PCDH15: variants seen among roughly 807,000 people sequenced by gnomAD.
PCDH15 encodes the protein protocadherin related 15.
In PCDH15, 129 loss-of-function variants were observed where a neutral mutation model predicts 178.5. That is an observed-to-expected ratio of 0.72 (90% CI 0.63 to 0.84). PCDH15 has a LOEUF of 0.84. Among genes scored for constraint, PCDH15 ranks in the 40% least tolerant of loss-of-function variants. The probability of loss-of-function intolerance (pLI) is 0.00; values close to 1 mark genes in which losing one functional copy is unlikely to be tolerated. For synonymous variants in PCDH15, 800 were observed against 732.0 expected, an observed-to-expected ratio of 1.09 and a Z score of -1.50; for missense variants, 2,230 against 2,099.9, an observed-to-expected ratio of 1.06 and a Z score of -1.21.
At chr10:54,105,732 T>C (rs1343362069) in intron 15 of PCDH15, among the ~76,000 whole-genome samples, 2 of 152,150 alleles carry the variant, frequency 1.3e-5, no homozygotes, top group African/African-American at 4.8e-5. Flanking sequence ...CCAATTAAGT[T>C]GACACTCAGT....
In PCDH15 at chr10:53,806,373, T is replaced by C; in HGVS notation, c.*206A>G. On this transcript the variant is annotated 3_prime_UTR_variant, in exon 38 of 38. Coordinates refer to ENST00000644397, the MANE Select transcript of PCDH15 (RefSeq NM_001384140.1). Reference sequence around the variant, plus strand: ...AACGATAGGTTATTTAGTGAAAGTATGTCCAAAAGGATTTTCTGGGAAAAA... The same window carrying C: ...AACGATAGGTTATTTAGTGAAAGTACGTCCAAAAGGATTTTCTGGGAAAAA... The C allele has an allele frequency of 1.9e-6, 1 of 513,226 alleles. No homozygotes were observed. The highest frequency in any genetic ancestry group is 3.4e-6 in the Non-Finnish European group (1 of 294,862). 31.8% of individuals were successfully genotyped at this position (513,226 alleles called of 1,614,324 possible).
At chr10:54,945,103 T>C (rs1354884339) in intron 2 of PCDH15, among the ~76,000 whole-genome samples, 2 of 152,016 alleles carry the variant, frequency 1.3e-5, no homozygotes, top group Non-Finnish European at 2.9e-5. Flanking sequence ...ATTTTTCTTT[T>C]CAATTTTATT....
intron 3 of PCDH15, among the ~76,000 whole-genome samples, chr10:54,852,995 T>C (rs1226824018): frequency 6.6e-6 from 1 of 151,486 alleles, no homozygotes; most frequent in African/African-American, 2.4e-5. Context: ...GTGCAATGGC[T>C]CACGCCTGTA....
chr10:55,026,011 T>A (rs552817707), intron 2 of PCDH15, among the ~76,000 whole-genome samples: 8 of 152,098 alleles, frequency 5.3e-5, no homozygotes, highest in Admixed American at 4.6e-4. Flanking sequence ...TTAGTTTGAA[T>A]GAAGTTTTGA....
At chr10:54,549,425 T>C (rs2086280158) in intron 2 of PCDH15, among the ~76,000 whole-genome samples, 1 of 151,952 alleles carries the variant, frequency 6.6e-6, no homozygotes, top group Non-Finnish European at 1.5e-5. Flanking sequence ...CCATAGGTTA[T>C]TTAAAAGATA....
intron 2 of PCDH15, 102 bp from the exon 3 acceptor site, chr10:54,527,979 TTGCAATCTAATTAA>T: frequency 1.1e-6 from 1 of 917,562 alleles, no homozygotes; most frequent in Non-Finnish European, 1.7e-6. Flanking sequence ...AAGGAAAATC[TTGCAATCTAATTAA>T]TATGCATCAC....
In PCDH15 at chr10:55,410,416, C is replaced by G. The variant is rs1280727763; in HGVS notation, c.-156+217209G>C. ...AGATACCACATAATCTGATATCATACTGGATTTCACTCTGGAGTTCCTGAG... is the reference window on the plus strand; with the variant it reads ...AGATACCACATAATCTGATATCATAGTGGATTTCACTCTGGAGTTCCTGAG... On this transcript the variant is annotated intron_variant, in intron 2 of 5. Coordinates refer to the PCDH15 transcript ENST00000613346. Among the ~76,000 whole-genome samples, 3 of 152,034 alleles carry G rather than the reference C, an allele frequency of 2.0e-5. No individual in the cohort carries two copies. The South Asian group carries it at 6.2e-4, about 31-fold the overall frequency.
intron 2 of PCDH15, among the ~76,000 whole-genome samples, chr10:54,980,830 C>A (rs1479267345): frequency 6.6e-6 from 1 of 151,656 alleles, no homozygotes; most frequent in African/African-American, 2.4e-5. Context: ...CCGTGGCATA[C>A]CATAAGGCTC....
chr10:54,474,216 T>C (rs1378928889), intron 3 of PCDH15, among the ~76,000 whole-genome samples: 1 of 151,930 alleles, frequency 6.6e-6, no homozygotes, highest in Non-Finnish European at 1.5e-5. Context: ...CTAGAAGAAA[T>C]TTTAGCAATA....
intron 2 of PCDH15, among the ~76,000 whole-genome samples, chr10:55,396,561 C>T (rs1837933828): frequency 6.6e-6 from 1 of 152,012 alleles, no homozygotes; most frequent in African/African-American, 2.4e-5. Flanking sequence ...GGTAGGATTG[C>T]CAATAGAAAA....
At chr10:55,569,900 A>G (rs1842373701) in intron 2 of PCDH15, among the ~76,000 whole-genome samples, 1 of 152,010 alleles carries the variant, frequency 6.6e-6, no homozygotes, top group Admixed American at 6.6e-5. Context: ...GGCAGAGGTA[A>G]TACAATAATA....
rs1031194006 is a variant in PCDH15, at chr10:54,198,630, T to C, written c.1099-2741A>G. ...CATTCTCCTGCCTCAGCCTCCCAAG[T>C]AGTTGGGACTACAGGCGCCCGCCAC... On this transcript the variant is annotated intron_variant, in intron 10 of 37. Transcript: ENST00000644397. Among the ~76,000 whole-genome samples, 2 of 113,382 alleles carry C rather than the reference T, an allele frequency of 1.8e-5. 1 individual carries two copies. Among genetic ancestry groups the C allele is most frequent in the African/African-American group, 9.8e-5 (2 of 20,408 alleles). The allele number at this position is 113,382 out of a possible 152,430, so 74.4% of individuals were successfully genotyped here.
chr10:54,429,561 A>G (rs894519330), intron 3 of PCDH15, among the ~76,000 whole-genome samples: 1 of 152,112 alleles, frequency 6.6e-6, no homozygotes, highest in Non-Finnish European at 1.5e-5. Flanking sequence ...ATTTAAAAAA[A>G]AAGACAAATT....
chr10:54,667,904 A>C (rs1281031226), intron 1 of PCDH15, among the ~76,000 whole-genome samples: 1 of 152,202 alleles, frequency 6.6e-6, no homozygotes, highest in African/African-American at 2.4e-5. Flanking sequence ...TTCTGTTGTC[A>C]AAATACTGGG....
chr10:54,292,336 G>T (rs917601252), intron 8 of PCDH15, among the ~76,000 whole-genome samples: 1 of 151,898 alleles, frequency 6.6e-6, no homozygotes, highest in Admixed American at 6.6e-5. Context: ...ATAATAAGAG[G>T]TATTTATGAC....
intron 15 of PCDH15, among the ~76,000 whole-genome samples, chr10:54,091,619 A>G (rs936682126): frequency 1.3e-5 from 2 of 152,188 alleles, no homozygotes; most frequent in Admixed American, 6.5e-5. Flanking sequence ...AGTCAGTAAT[A>G]AACTACTGAA....
At chr10:53,904,842 T>C (rs2082564480) in intron 25 of PCDH15, among the ~76,000 whole-genome samples, 1 of 152,158 alleles carries the variant, frequency 6.6e-6, no homozygotes, top group African/African-American at 2.4e-5. Flanking sequence ...TTAGAATATG[T>C]CACCTTTCCA....
chr10:54,914,447 G>A (rs1954868966), intron 2 of PCDH15, among the ~76,000 whole-genome samples: 2 of 152,024 alleles, frequency 1.3e-5, no homozygotes, highest in African/African-American at 4.8e-5. Context: ...AATAAAAATT[G>A]TTTTAATCCC....
chr10:53,950,551 A>C (rs914433809), intron 23 of PCDH15, among the ~76,000 whole-genome samples: 1 of 152,154 alleles, frequency 6.6e-6, no homozygotes, highest in Non-Finnish European at 1.5e-5. Flanking sequence ...TCCCACTCAA[A>C]ATCAATATTC....
Sources: allele counts gnomAD v4.1 joint callset (sites outside exome capture counted in the v4.1 genomes callset), GRCh38; gene constraint gnomAD v4.1.1; transcripts MANE v1.5; gene names NCBI Gene and HGNC (gene_info 2026-07-23, HGNC 2026-07-21).